Variants in NSG2 observed in about 807,000 individuals in gnomAD.
NSG2 encodes the protein neuronal vesicle trafficking associated 2, also known as neuronal vesicle trafficking-associated protein 2.
NSG2 carries 4 observed loss-of-function variants against 16.9 expected under a neutral mutation model. The observed-to-expected ratio is 0.24, with a 90% CI of 0.12 to 0.54. The LOEUF (loss-of-function observed/expected upper bound fraction) is 0.54. Ranked by LOEUF, NSG2 falls within the 20% of genes least tolerant of loss-of-function variation. NSG2 has a pLI of 0.95. For missense variants in NSG2, 179 were observed against 221.1 expected, an observed-to-expected ratio of 0.81 and a Z score of 1.21; for synonymous variants, 98 against 88.7, an observed-to-expected ratio of 1.11 and a Z score of -0.59.
At chr5:174,077,746 C>T (rs1459640590) in intron 3 of NSG2, among the ~76,000 whole-genome samples, 1 of 152,032 alleles carries the variant, frequency 6.6e-6, no homozygotes, top group South Asian at 2.1e-4. Flanking sequence ...TCCTTTCCTG[C>T]GTTTTTCTGG....
At chr5:174,079,845 T>C (rs1760418971) in intron 3 of NSG2, among the ~76,000 whole-genome samples, 1 of 152,246 alleles carries the variant, frequency 6.6e-6, no homozygotes, top group Non-Finnish European at 1.5e-5. Flanking sequence ...CCACAAGGCA[T>C]GAGGGAAAAT....
At chr5:174,089,536 C>A (rs763224905) in intron 3 of NSG2, among the ~76,000 whole-genome samples, 1 of 150,984 alleles carries the variant, frequency 6.6e-6, no homozygotes, top group Non-Finnish European at 1.5e-5. Context: ...AAAAAAGATA[C>A]CCCAGGCTTC....
chr5:174,060,723 T>C (rs899428409), intron 2 of NSG2, among the ~76,000 whole-genome samples: 4 of 152,164 alleles, frequency 2.6e-5, no homozygotes, highest in East Asian at 1.9e-4. Context: ...TTCAAGCTCA[T>C]TGAGGCTGTC....
intron 3 of NSG2, among the ~76,000 whole-genome samples, chr5:174,090,736 G>T (rs970677194): frequency 6.6e-6 from 1 of 152,242 alleles, no homozygotes; most frequent in Non-Finnish European, 1.5e-5. Flanking sequence ...ACAGGGTAGA[G>T]ATTCCTTCCT....
intron 2 of NSG2, among the ~76,000 whole-genome samples, chr5:174,055,429 TAA>T (rs35075574): frequency 1.3e-5 from 2 of 148,764 alleles, no homozygotes; most frequent in African/African-American, 4.9e-5. Flanking sequence ...CCATCTCTAC[TAA>T]AAAAAAAATG....
At chr5:174,085,605 A>G (rs1760596777) in intron 3 of NSG2, among the ~76,000 whole-genome samples, 1 of 152,238 alleles carries the variant, frequency 6.6e-6, no homozygotes, top group African/African-American at 2.4e-5. Context: ...TTGTAGCTAC[A>G]ATCATTGCCT....
At chr5:174,077,077 C>T (rs992157463) in intron 3 of NSG2, among the ~76,000 whole-genome samples, 3 of 152,096 alleles carry the variant, frequency 2.0e-5, no homozygotes, top group African/African-American at 7.2e-5. Flanking sequence ...TTGTAGGAAG[C>T]TCAATAAAAA....
At chr5:174,104,405 C>T (rs1760945890) in intron 4 of NSG2, 67 bp downstream of exon 4, 3 of 1,111,252 alleles carry the variant, frequency 2.7e-6, no homozygotes, top group Non-Finnish European at 4.1e-6. Flanking sequence ...AATGTCTTCT[C>T]TTCACTGGTG....
intron 3 of NSG2, among the ~76,000 whole-genome samples, chr5:174,071,948 A>G (rs1354031789): frequency 6.6e-6 from 1 of 152,132 alleles, no homozygotes; most frequent in African/African-American, 2.4e-5. Context: ...ATCTAGGGCC[A>G]AGAAATGGGG....
intron 2 of NSG2, among the ~76,000 whole-genome samples, chr5:174,062,270 C>T (rs1760065094): frequency 6.6e-6 from 1 of 152,150 alleles, no homozygotes; most frequent in South Asian, 2.1e-4. Flanking sequence ...AGGATTTGAA[C>T]TCAGCCCACA....
intron 3 of NSG2, among the ~76,000 whole-genome samples, chr5:174,075,870 T>C (rs545678435): frequency 2.0e-5 from 3 of 152,350 alleles, no homozygotes; most frequent in East Asian, 1.9e-4. Context: ...TGAGTTGTTA[T>C]AGCAACTGCC....
At position 174,108,483 on chromosome 5, in the gene NSG2, T is replaced by TTCC. The variant is rs1323685728; in HGVS notation, c.*979_*981dup. On this transcript the variant is annotated 3_prime_UTR_variant, in exon 5 of 5. Transcript: ENST00000303177. Reference sequence around the variant, plus strand: ...GATAACAATAACAACAACAATAGGATTCCAACCAGGAGCCTCAAGTGACAG... The same window carrying TTCC: ...GATAACAATAACAACAACAATAGGATTCCTCCAACCAGGAGCCTCAAGTGACAG... 1 of 152,390 alleles carries TTCC rather than the reference T, an allele frequency of 6.6e-6. No homozygotes were observed. Among genetic ancestry groups the TTCC allele is most frequent in the Admixed American group, 6.5e-5 (1 of 15,284 alleles). 9.4% of individuals were successfully genotyped at this position (152,390 alleles called of 1,614,324 possible). A position where few individuals can be genotyped will look rare whatever the true frequency, so the allele number is the denominator to read the frequency against.
intron 2 of NSG2, among the ~76,000 whole-genome samples, chr5:174,048,144 A>G (rs1450277220): frequency 1.3e-5 from 2 of 152,254 alleles, no homozygotes; most frequent in Non-Finnish European, 2.9e-5. Context: ...GCCTTTAAAG[A>G]TAAATTCTGA....
chr5:174,066,989 C>CAAAAAAAAAAAAA (rs543368373), intron 3 of NSG2, among the ~76,000 whole-genome samples: 1 of 27,944 alleles, frequency 3.6e-5, no homozygotes, highest in Non-Finnish European at 8.8e-5. Context: ...GACTCTGTCT[C>CAAAAAAAAAAAAA]AAAAAAAAAA....
At chr5:174,052,173 A>C (rs886407305) in intron 2 of NSG2, among the ~76,000 whole-genome samples, 4 of 152,140 alleles carry the variant, frequency 2.6e-5, no homozygotes, top group African/African-American at 9.7e-5. Context: ...AGTGTCCCCC[A>C]AAACAGGGGT....
At chr5:174,048,645 A>G (rs898395644) in intron 2 of NSG2, among the ~76,000 whole-genome samples, 2 of 152,142 alleles carry the variant, frequency 1.3e-5, no homozygotes, top group African/African-American at 4.8e-5. Flanking sequence ...TGGTGAGGTC[A>G]TCTCTCCCCT....
At chr5:174,103,838 C>T (rs1760937065) in intron 3 of NSG2, among the ~76,000 whole-genome samples, 1 of 152,106 alleles carries the variant, frequency 6.6e-6, no homozygotes, top group South Asian at 2.1e-4. Context: ...GTGGTGGGTA[C>T]CTGTAATCCC....
chr5:174,095,664 G>A (rs1326497561), intron 3 of NSG2, among the ~76,000 whole-genome samples: 2 of 152,132 alleles, frequency 1.3e-5, no homozygotes, highest in African/African-American at 4.8e-5. Flanking sequence ...ACAGGTTCTG[G>A]AGATTTGGAT....
At chr5:174,087,366 A>G (rs532316755) in intron 3 of NSG2, among the ~76,000 whole-genome samples, 99 of 152,306 alleles carry the variant, frequency 6.5e-4, no homozygotes, top group African/African-American at 2.3e-3. Flanking sequence ...TGGCTACTCC[A>G]TTCATTAATT....
Sources: gnomAD v4.1 joint callset for allele counts (sites outside exome capture counted in the v4.1 genomes callset) on GRCh38, gnomAD v4.1.1 for gene constraint, MANE v1.5 for transcripts, NCBI Gene and HGNC (gene_info 2026-07-23, HGNC 2026-07-21) for gene names.